CHRM5: variants seen among roughly 807,000 people sequenced by gnomAD.
The protein encoded by CHRM5 is muscarinic acetylcholine receptor M5.
A neutral mutation model predicts 39.0 loss-of-function variants in CHRM5; 18 were observed. The observed-to-expected ratio is 0.46, with a 90% CI of 0.32 to 0.68. CHRM5 has a LOEUF of 0.68. Among genes scored for constraint, CHRM5 ranks in the 30% least tolerant of loss-of-function variants. The pLI is 0.04. For synonymous variants in CHRM5, 241 were observed against 246.3 expected (o/e 0.98, Z 0.20); for missense variants, 515 against 651.1 (o/e 0.79, Z 2.28).
At chr15:34,000,685 A>C (rs1897104769) in intron 1 of CHRM5, among the ~76,000 whole-genome samples, 1 of 152,242 alleles carries the variant, frequency 6.6e-6, no homozygotes, top group Non-Finnish European at 1.5e-5. Context: ...TGACCTCTCG[A>C]AAGTAAACCA....
intron 1 of CHRM5, among the ~76,000 whole-genome samples, chr15:33,995,372 GATATT>G (rs1896890723): frequency 1.3e-5 from 2 of 152,082 alleles, no homozygotes; most frequent in Non-Finnish European, 2.9e-5. Context: ...CATTGCATTA[GATATT>G]ATAAGTGATT....
At chr15:34,017,045 C>CA (rs1331055965) in intron 1 of CHRM5, among the ~76,000 whole-genome samples, 1 of 151,796 alleles carries the variant, frequency 6.6e-6, no homozygotes, top group Non-Finnish European at 1.5e-5. Flanking sequence ...GTGGGAGGAT[C>CA]ACCTCAGCCT....
At chr15:33,988,731 CAA>C (rs1327120266) in intron 1 of CHRM5, among the ~76,000 whole-genome samples, 1 of 152,190 alleles carries the variant, frequency 6.6e-6, no homozygotes, top group East Asian at 1.9e-4. Flanking sequence ...AATTAAAAGA[CAA>C]GAGAACAGAA....
At chr15:34,002,249 G>A (rs767094656) in intron 1 of CHRM5, among the ~76,000 whole-genome samples, 9 of 152,090 alleles carry the variant, frequency 5.9e-5, no homozygotes, top group South Asian at 2.1e-4. Flanking sequence ...ATCTGCCACC[G>A]CAGTCAAGAT....
chr15:34,003,755 G>A lies in CHRM5; in HGVS notation c.-408+34605G>A, dbSNP rs76335269. ...GTGAAATGGAGTGTGAATTTACATG[G>A]TACTACATTTATACATAAGATTCCA... On this transcript the variant is annotated intron_variant, in intron 1 of 2. Coordinates refer to ENST00000383263, the MANE Select transcript of CHRM5 (RefSeq NM_012125.4). Among the ~76,000 whole-genome samples, 65 of 152,210 alleles carry A rather than the reference G, an allele frequency of 4.3e-4. No individual in the cohort carries two copies. In the East Asian group the frequency reaches 0.011, roughly 27 times the overall value.
intron 1 of CHRM5, chr15:33,990,949 A>C (rs1768567007): frequency 6.6e-6 from 1 of 152,226 alleles, no homozygotes; most frequent in Non-Finnish European, 1.5e-5. Flanking sequence ...CTAAAATCAG[A>C]AGATTTTTCC....
intron 1 of CHRM5, among the ~76,000 whole-genome samples, chr15:34,033,734 T>A (rs1007875160): frequency 6.6e-6 from 1 of 152,130 alleles, no homozygotes; most frequent in African/African-American, 2.4e-5. Context: ...AAAATACAAG[T>A]AAAAAAGAAT....
At chr15:34,042,396 GTTTTTTT>G (rs35456951) in intron 1 of CHRM5, among the ~76,000 whole-genome samples, 4 of 130,388 alleles carry the variant, frequency 3.1e-5, no homozygotes, top group African/African-American at 1.2e-4. Context: ...CATGACCTAA[GTTTTTTT>G]TTTTTTTTTT....
chr15:34,019,161 G>GT (rs1391896737), intron 1 of CHRM5, among the ~76,000 whole-genome samples: 1 of 152,220 alleles, frequency 6.6e-6, no homozygotes, highest in Non-Finnish European at 1.5e-5. Flanking sequence ...ACTCAACCCA[G>GT]TAAGTCCAGC....
chr15:34,048,913 G>A (rs564262), intron 2 of CHRM5, among the ~76,000 whole-genome samples: 98,952 of 152,038 alleles, frequency 0.65, 33,432 homozygotes, highest in South Asian at 0.78. Context: ...GAGAACAACC[G>A]AGGTGACTAG....
At chr15:34,045,145 T>G (rs1899638889) in intron 1 of CHRM5, among the ~76,000 whole-genome samples, 1 of 152,362 alleles carries the variant, frequency 6.6e-6, no homozygotes, top group African/African-American at 2.4e-5. Context: ...AACTTTATTC[T>G]TACATTCTCT....
chr15:33,989,497 C>G (rs1896626178), intron 1 of CHRM5, among the ~76,000 whole-genome samples: 1 of 151,320 alleles, frequency 6.6e-6, no homozygotes, highest in African/African-American at 2.4e-5. Context: ...AAACTAAGAT[C>G]CCCTGACGCC....
rs549869522 is a variant in CHRM5, at chr15:34,030,436, C to T, written c.-407-16104C>T. ...TCTCGCTTCACTGCAAGCTCCGCCT[C>T]CCAGGTTCATGCCATTCTCCTGCCT... On this transcript the variant is annotated intron_variant, in intron 1 of 2. Transcript: ENST00000383263. 4.6e-5 allele frequency among the ~76,000 whole-genome samples: 7 copies of T among 152,048 alleles called. No homozygotes were observed. The South Asian group carries it at 1.5e-3, about 32-fold the overall frequency.
chr15:34,018,037 G>A (rs1334694155), intron 1 of CHRM5, among the ~76,000 whole-genome samples: 2 of 152,176 alleles, frequency 1.3e-5, no homozygotes, highest in African/African-American at 4.8e-5. Flanking sequence ...TACTGACAAT[G>A]ATACTAAATG....
chr15:33,969,890 A>G (rs571038033), intron 1 of CHRM5, among the ~76,000 whole-genome samples: 197 of 152,162 alleles, frequency 1.3e-3, no homozygotes, highest in Non-Finnish European at 2.4e-3. Flanking sequence ...TAAAAGATAC[A>G]GTGCCTTTAA....
chr15:34,048,103 T>G (rs563073132), intron 2 of CHRM5, among the ~76,000 whole-genome samples: 14 of 152,246 alleles, frequency 9.2e-5, no homozygotes, highest in African/African-American at 3.4e-4. Flanking sequence ...CTGAAACTCC[T>G]GAACTCAAGC....
intron 1 of CHRM5, among the ~76,000 whole-genome samples, chr15:34,021,265 C>T (rs896266692): frequency 5.3e-5 from 8 of 151,860 alleles, no homozygotes; most frequent in Non-Finnish European, 8.8e-5. Context: ...CACCACCCCA[C>T]TCAGCTAAAA....
chr15:34,038,729 C>T (rs988748324), intron 1 of CHRM5: 103 of 1,133,692 alleles, frequency 9.1e-5, no homozygotes, highest in Middle Eastern at 3.7e-4. Context: ...GCCTCGGCCC[C>T]ACTTGCCCCA....
intron 1 of CHRM5, among the ~76,000 whole-genome samples, chr15:33,969,365 T>C (rs1044217691): frequency 6.6e-6 from 1 of 152,004 alleles, no homozygotes; most frequent in East Asian, 1.9e-4. Context: ...TCATTTTTCA[T>C]TGAATTTGTC....
Sources: allele counts gnomAD v4.1 joint callset (sites outside exome capture counted in the v4.1 genomes callset), GRCh38; gene constraint gnomAD v4.1.1; transcripts MANE v1.5; gene names NCBI Gene and HGNC (gene_info 2026-07-23, HGNC 2026-07-21).